UBA6: variants seen among roughly 807,000 people sequenced by gnomAD.
UBA6 encodes ubiquitin like modifier activating enzyme 6.
UBA6 carries 87 observed loss-of-function variants against 148.3 expected under a neutral mutation model. That is an observed-to-expected ratio of 0.59 (90% CI 0.49 to 0.70). The LOEUF is 0.70. Ranked by LOEUF, UBA6 falls within the 30% of genes least tolerant of loss-of-function variation. The pLI is 0.00. For synonymous variants in UBA6, 376 were observed against 401.0 expected, an observed-to-expected ratio of 0.94 and a Z score of 0.75; for missense variants, 1,186 against 1,241.2, an observed-to-expected ratio of 0.96 and a Z score of 0.67.
At chr4:67,633,204 T>A in intron 23 of UBA6, 141 bp downstream of exon 23, 1 of 629,232 alleles carries the variant, frequency 1.6e-6, no homozygotes, top group Admixed American at 3.1e-5. Flanking sequence ...GATTAGCATG[T>A]GTTCTCATTT....
chr4:67,634,446 G>T lies in UBA6; in HGVS notation c.1915C>A (p.Gln639Lys). Residue 639 changes from glutamine to lysine, a missense_variant, in exon 21 of 33, where the codon CAG becomes AAG. By Grantham distance (53) the Gln-to-Lys change is moderately conservative. Coordinates refer to ENST00000322244, the MANE Select transcript of UBA6 (RefSeq NM_018227.6). ...ACTTTTACCTTATCTCTTGCCCACT[G>T]TATGGTATGTTCAATAGCAGCTGGA... ...SFPAAIEHTI[Q>K]WARDKFESSF... 1 of 1,587,118 alleles carries T rather than the reference G, an allele frequency of 6.3e-7. No individual in the cohort carries two copies. Among genetic ancestry groups the T allele is most frequent in the South Asian group, 1.2e-5 (1 of 84,574 alleles).
At chr4:67,638,378 A>C (rs571582046) in intron 19 of UBA6, 2 of 159,714 alleles carry the variant, frequency 1.3e-5, no homozygotes. Flanking sequence ...TTTGGTGTCC[A>C]CCCCCGTGCC....
chr4:67,647,393 A>C (rs1054249444), intron 14 of UBA6, among the ~76,000 whole-genome samples: 1 of 151,920 alleles, frequency 6.6e-6, no homozygotes, highest in Non-Finnish European at 1.5e-5. Context: ...TGATCTGCCC[A>C]CCTCGGCCTC....
chr4:67,630,384 A>G (rs1447011846), intron 26 of UBA6, 82 bp downstream of exon 26: 3 of 869,984 alleles, frequency 3.4e-6, no homozygotes, highest in African/African-American at 1.7e-5. Flanking sequence ...ACAAACAAAC[A>G]TGTTTTGATG....
Position 67,615,858 on chromosome 4 carries a change from C to T in UBA6, c.*3139G>A, listed in dbSNP as rs1728614593. ...TAAAAACAAAGAGACAATTATCATA[C>T]AAGGTAGGATAGTGGTAATTACCAA... On this transcript the variant is annotated 3_prime_UTR_variant, in exon 33 of 33. Coordinates refer to ENST00000322244, the MANE Select transcript of UBA6 (RefSeq NM_018227.6). 1 of 281,566 alleles carries T rather than the reference C, an allele frequency of 3.6e-6. No homozygotes were observed. The highest frequency in any genetic ancestry group is 2.1e-5 in the African/African-American group (1 of 46,592). The allele number at this position is 281,566 out of a possible 1,614,324, so 17.4% of individuals were successfully genotyped here. A position where few individuals can be genotyped will look rare whatever the true frequency, so the allele number is the denominator to read the frequency against.
chr4:67,638,838 C>T (rs1043457237), intron 19 of UBA6, 105 bp downstream of exon 19: 2 of 796,106 alleles, frequency 2.5e-6, no homozygotes, highest in Non-Finnish European at 4.0e-6. Flanking sequence ...ACAATAGGAA[C>T]ATAAGGAATA....
chr4:67,670,691 A>T lies in UBA6; in HGVS notation c.547-99T>A, dbSNP rs557095231. 343 of 888,888 alleles carry T rather than the reference A, an allele frequency of 3.9e-4. 3 individuals carry two copies. The African/African-American group carries it at 5.3e-3, about 14-fold the overall frequency. The allele number at this position is 888,888 out of a possible 1,614,324, so 55.1% of individuals were successfully genotyped here. A position where few individuals can be genotyped will look rare whatever the true frequency, so the allele number is the denominator to read the frequency against. On this transcript the variant is annotated intron_variant, in intron 7 of 32. Transcript: ENST00000322244. ...ATAACAATTTAATTTATAATTAAGT[A>T]TACCTTACACAACCTATAGAATACA...
intron 28 of UBA6, among the ~76,000 whole-genome samples, chr4:67,625,923 T>C (rs1031442248): frequency 1.3e-5 from 2 of 151,952 alleles, no homozygotes; most frequent in African/African-American, 4.8e-5. Flanking sequence ...ACCTAATTAC[T>C]AAAGACTAAG....
At chr4:67,671,727 C>G (rs1730154139) in intron 7 of UBA6, among the ~76,000 whole-genome samples, 1 of 152,120 alleles carries the variant, frequency 6.6e-6, no homozygotes, top group African/African-American at 2.4e-5. Context: ...ATGATTTTGC[C>G]TTGGTGCCTA....
intron 6 of UBA6, among the ~76,000 whole-genome samples, chr4:67,675,168 C>T (rs10015138): frequency 0.39 from 58,585 of 152,076 alleles, 11,414 homozygotes; most frequent in Middle Eastern, 0.51. Context: ...TGTGCTATAG[C>T]TTTGGTAATT....
At chr4:67,700,231 C>T (rs980859758) in intron 1 of UBA6, among the ~76,000 whole-genome samples, 1 of 152,230 alleles carries the variant, frequency 6.6e-6, no homozygotes, top group Non-Finnish European at 1.5e-5. Flanking sequence ...AAACTGAAAG[C>T]ATCCCTTCAG....
chr4:67,654,789 C>T (rs1166283214), intron 13 of UBA6, among the ~76,000 whole-genome samples: 3 of 151,406 alleles, frequency 2.0e-5, no homozygotes, highest in African/African-American at 7.3e-5. Context: ...ATTCACGAGA[C>T]CCATCTCACG....
intron 18 of UBA6, among the ~76,000 whole-genome samples, chr4:67,639,787 A>C (rs557876060): frequency 6.6e-6 from 1 of 152,274 alleles, no homozygotes; most frequent in African/African-American, 2.4e-5. Context: ...AATAACAATA[A>C]AACAATACAA....
At chr4:67,688,353 G>C (rs145224134) in intron 2 of UBA6, among the ~76,000 whole-genome samples, 148 of 152,152 alleles carry the variant, frequency 9.7e-4, no homozygotes, top group African/African-American at 3.4e-3. Context: ...GCAGACTCAC[G>C]CACATCTTCA....
intron 1 of UBA6, among the ~76,000 whole-genome samples, chr4:67,699,604 C>A (rs1426811184): frequency 1.3e-5 from 2 of 152,116 alleles, no homozygotes; most frequent in Non-Finnish European, 1.5e-5. Flanking sequence ...AAATTTGTTT[C>A]TTTTCTTTTT....
At chr4:67,656,991 C>T (rs10033791) in intron 13 of UBA6, among the ~76,000 whole-genome samples, 58,567 of 151,918 alleles carry the variant, frequency 0.39, 11,416 homozygotes, top group Middle Eastern at 0.51. Flanking sequence ...GAAGGACCTC[C>T]TCAAGGAGAA....
At position 67,681,592 on chromosome 4, in the gene UBA6, C is replaced by A; in HGVS notation, c.230-1G>T. The A allele has an allele frequency of 6.3e-7, 1 of 1,579,458 alleles. No homozygotes were observed. The highest frequency in any genetic ancestry group is 8.6e-7 in the Non-Finnish European group (1 of 1,167,898). ...ATCCCTGCAAGAACAAGATTCTTTGCTAGAAAGGCAAAAGAAAAAGGAATA... is the reference window on the plus strand; with the variant it reads ...ATCCCTGCAAGAACAAGATTCTTTGATAGAAAGGCAAAAGAAAAAGGAATA... On this transcript the variant is annotated splice_acceptor_variant, in intron 3 of 32. Transcript: ENST00000322244. LOFTEE classifies it high-confidence loss of function.
intron 1 of UBA6, among the ~76,000 whole-genome samples, chr4:67,699,236 G>A (rs756724178): frequency 1.3e-5 from 2 of 152,162 alleles, no homozygotes; most frequent in Admixed American, 1.3e-4. Flanking sequence ...TGGCAGAAGT[G>A]GAGGCCATTC....
At chr4:67,648,758 G>GC (rs941713443) in intron 14 of UBA6, among the ~76,000 whole-genome samples, 2 of 152,026 alleles carry the variant, frequency 1.3e-5, no homozygotes, top group African/African-American at 4.8e-5. Flanking sequence ...AGTCCTGAGA[G>GC]CCCGAGAATG....
Sources: gnomAD v4.1 joint callset for allele counts (sites outside exome capture counted in the v4.1 genomes callset) on GRCh38, gnomAD v4.1.1 for gene constraint, MANE v1.5 for transcripts, NCBI Gene and HGNC (gene_info 2026-07-23, HGNC 2026-07-21) for gene names.